CHD7: variants seen among roughly 807,000 people sequenced by gnomAD.
CHD7 encodes ATP-dependent chromatin remodeler CHD7.
In CHD7, 24 loss-of-function variants were observed where a neutral mutation model predicts 307.3. The ratio of observed to expected loss-of-function variants is 0.08; its 90% CI spans 0.06 to 0.11. CHD7 has a LOEUF of 0.11. Among genes scored for constraint, CHD7 ranks in the 10% least tolerant of loss-of-function variants. The probability of loss-of-function intolerance (pLI) is 1.00; values close to 1 mark genes in which losing one functional copy is unlikely to be tolerated. For missense variants in CHD7, 3,106 were observed against 3,727.1 expected (o/e 0.83, Z 4.34); for synonymous variants, 1,363 against 1,349.9 (o/e 1.01, Z -0.21).
intron 1 of CHD7, among the ~76,000 whole-genome samples, chr8:60,682,076 T>G (rs1240026033): frequency 6.6e-6 from 1 of 152,226 alleles, no homozygotes; most frequent in Non-Finnish European, 1.5e-5. Flanking sequence ...AATATTATTT[T>G]CCTCTTTCAA....
intron 1 of CHD7, among the ~76,000 whole-genome samples, chr8:60,740,640 A>G (rs1210566746): frequency 1.3e-5 from 2 of 152,258 alleles, no homozygotes; most frequent in Admixed American, 1.3e-4. Context: ...TTGCTTTTCA[A>G]CATCATTATG....
chr8:60,778,349 C>CT (rs1811050644), intron 2 of CHD7, among the ~76,000 whole-genome samples: 1 of 152,156 alleles, frequency 6.6e-6, no homozygotes, highest in South Asian at 2.1e-4. Flanking sequence ...AGAATTAATA[C>CT]TTTTTTGTAT....
chr8:60,775,951 G>A (rs1810931713), intron 2 of CHD7, among the ~76,000 whole-genome samples: 1 of 152,090 alleles, frequency 6.6e-6, no homozygotes, highest in Non-Finnish European at 1.5e-5. Context: ...GTACAGACGG[G>A]GTGTCACTAT....
rs1291724168 is a variant in CHD7, at chr8:60,865,882, A to C, written c.8943A>C (p.Leu2981=). ...ACGAAATAGCACAGGGTGAAGAGCT[A>C]GACTCACTTGATGGGGGGGATGAAA... ...LEDEIAQGEE[L]DSLDGGDEIE... Residue 2981 remains leucine (L), a synonymous_variant, in exon 38 of 38, where the codon CTA becomes CTC. Transcript: ENST00000423902. This position sits in a 1 kb window ranked among gnomAD's most constrained non-coding sequence, Gnocchi z 4.3. The C allele has an allele frequency of 6.2e-7, 1 of 1,611,444 alleles. No homozygotes were observed. Among genetic ancestry groups the C allele is most frequent in the East Asian group, 2.2e-5 (1 of 44,866 alleles).
chr8:60,865,602 T>C lies in CHD7; in HGVS notation c.8663T>C (p.Leu2888Pro), dbSNP rs764758566. The C allele has an allele frequency of 1.9e-6, 3 of 1,613,854 alleles. No individual in the cohort carries two copies. Among genetic ancestry groups the C allele is most frequent in the Non-Finnish European group, 2.5e-6 (3 of 1,179,842 alleles). Residue 2888 changes from leucine to proline, a missense_variant, in exon 38 of 38, where the codon CTA becomes CCA. Around this residue, in one of 10 missense-constraint regions of CHD7, gnomAD observed 351 missense variants for 366.2 expected, o/e 0.96. Transcript: ENST00000423902. This position sits in a 1 kb window ranked among gnomAD's most constrained non-coding sequence, Gnocchi z 4.3. ...CCGGCTGGATTGCCCTCAAACCCGC[T>C]AGCCTTCAACCCTTTCCTCCTGTCC... ...TAPAGLPSNP[L>P]AFNPFLLSTM...
chr8:60,850,459 G>A (rs1311039272), intron 25 of CHD7, 34 bp from the exon 26 acceptor site: 2 of 1,579,464 alleles, frequency 1.3e-6, no homozygotes. Context: ...CTTTGTTTCT[G>A]TGTGTTTTCT....
In CHD7 at chr8:60,686,348, T is replaced by TAA. The variant is rs10555815; in HGVS notation, c.-175+7283_-175+7284dup. Among the ~76,000 whole-genome samples the TAA allele has an allele frequency of 5.4e-5, 8 of 148,908 alleles. 1 individual carries two copies. In the South Asian group the frequency reaches 6.4e-4, roughly 12 times the overall value. On this transcript the variant is annotated intron_variant, in intron 1 of 37. Coordinates refer to ENST00000423902, the MANE Select transcript of CHD7 (RefSeq NM_017780.4). ...ATTTCTTCAACTTGCCAGTTTTTCT[T>TAA]AAAAAAAAAAAAAAAAAACTCTTTA...
intron 1 of CHD7, among the ~76,000 whole-genome samples, chr8:60,691,413 G>A (rs1388474875): frequency 6.6e-6 from 1 of 152,182 alleles, no homozygotes; most frequent in Non-Finnish European, 1.5e-5. Flanking sequence ...AGGCATTAAA[G>A]CATTAATTCA....
intron 2 of CHD7, among the ~76,000 whole-genome samples, chr8:60,759,887 T>A (rs138456794): frequency 3.7e-4 from 56 of 152,296 alleles, no homozygotes; most frequent in African/African-American, 1.3e-3. Flanking sequence ...CATTCATCCA[T>A]CTATTCATCG....
chr8:60,689,745 G>A (rs1806102392), intron 1 of CHD7, among the ~76,000 whole-genome samples: 1 of 152,180 alleles, frequency 6.6e-6, no homozygotes, highest in Non-Finnish European at 1.5e-5. Flanking sequence ...CTTATCAATG[G>A]CAGACATTTT....
In CHD7 at chr8:60,684,218, C is replaced by G. The variant is rs112508662; in HGVS notation, c.-175+5136C>G. Among the ~76,000 whole-genome samples the G allele has an allele frequency of 3.3e-5, 5 of 152,176 alleles. No individual in the cohort carries two copies. The South Asian group carries it at 6.2e-4, about 19-fold the overall frequency. ...CTGGTTCACTCTCAGGCTTGTTTACCTATGCTAATGTGGAATCTAAGGCAC... is the reference window on the plus strand; with the variant it reads ...CTGGTTCACTCTCAGGCTTGTTTACGTATGCTAATGTGGAATCTAAGGCAC... On this transcript the variant is annotated intron_variant, in intron 1 of 37. Coordinates refer to ENST00000423902, the MANE Select transcript of CHD7 (RefSeq NM_017780.4).
intron 1 of CHD7, among the ~76,000 whole-genome samples, chr8:60,722,082 CA>C (rs1289154842): frequency 6.6e-6 from 1 of 152,160 alleles, no homozygotes; most frequent in Non-Finnish European, 1.5e-5. Context: ...TTTTCTTCAC[CA>C]GATACGGCCT....
At chr8:60,690,277 A>C (rs921819789) in intron 1 of CHD7, among the ~76,000 whole-genome samples, 2 of 152,022 alleles carry the variant, frequency 1.3e-5, no homozygotes, top group African/African-American at 4.8e-5. Context: ...GATTTTGTAC[A>C]TGTTTATAGT....
intron 23 of CHD7, 75 bp from the exon 24 acceptor site, chr8:60,848,440 G>A (rs1805305791): frequency 3.1e-6 from 3 of 965,376 alleles, no homozygotes; most frequent in East Asian, 2.6e-5. Context: ...ATGAACAGCA[G>A]CAGCTGCCAA....
At chr8:60,826,191 C>T (rs960978767) in intron 13 of CHD7, among the ~76,000 whole-genome samples, 24 of 152,178 alleles carry the variant, frequency 1.6e-4, no homozygotes, top group African/African-American at 4.6e-4. Context: ...CCCACTGCCA[C>T]GGGACACCAC....
At chr8:60,780,924 C>A in intron 2 of CHD7, 76 bp from the exon 3 acceptor site, 1 of 1,404,956 alleles carries the variant, frequency 7.1e-7, no homozygotes, top group Non-Finnish European at 9.3e-7. Context: ...TCAGAAACAT[C>A]AGCCACTAAC....
intron 1 of CHD7, among the ~76,000 whole-genome samples, chr8:60,692,916 T>C (rs1806273372): frequency 6.6e-6 from 1 of 152,230 alleles, no homozygotes; most frequent in Admixed American, 6.5e-5. Context: ...TGTATTCTTA[T>C]TTCTCGTATC....
intron 1 of CHD7, among the ~76,000 whole-genome samples, chr8:60,700,749 T>C (rs2150506666): frequency 6.6e-6 from 1 of 152,262 alleles, no homozygotes; most frequent in Non-Finnish European, 1.5e-5. Context: ...TAGAACCTGG[T>C]TCTAATTTAG....
intron 15 of CHD7, among the ~76,000 whole-genome samples, chr8:60,832,783 G>A (rs2150769461): frequency 6.6e-6 from 1 of 152,212 alleles, no homozygotes; most frequent in South Asian, 2.1e-4. Flanking sequence ...AAACACAGCT[G>A]GTGTGTCTCT....
Sources: allele counts gnomAD v4.1 joint callset (sites outside exome capture counted in the v4.1 genomes callset), GRCh38; gene constraint gnomAD v4.1.1; regional missense constraint gnomAD v4.1.1; non-coding constraint Gnocchi (gnomAD v3.1); transcripts MANE v1.5; gene names NCBI Gene and HGNC (gene_info 2026-07-23, HGNC 2026-07-21).